PCDHA1: variants seen among roughly 807,000 people sequenced by gnomAD.
PCDHA1 encodes protocadherin alpha 1.
In PCDHA1, 42 loss-of-function variants were observed where a neutral mutation model predicts 61.3. That is an observed-to-expected ratio of 0.69 (90% CI 0.54 to 0.89). PCDHA1 has a LOEUF of 0.89. Among genes scored for constraint, PCDHA1 ranks in the 40% least tolerant of loss-of-function variants. PCDHA1 has a pLI of 0.00. For synonymous variants in PCDHA1, 610 were observed against 553.8 expected, an observed-to-expected ratio of 1.10 and a Z score of -1.43; for missense variants, 1,256 against 1,235.3, an observed-to-expected ratio of 1.02 and a Z score of -0.25.
intron 1 of PCDHA1, chr5:140,829,890 A>G: frequency 2.5e-6 from 4 of 1,613,880 alleles, no homozygotes; most frequent in Non-Finnish European, 3.4e-6. Context: ...GTTGACGCCG[A>G]CTCAGGCTAC....
At chr5:140,830,246 A>C (rs782731827) in intron 1 of PCDHA1, 3 of 1,613,762 alleles carry the variant, frequency 1.9e-6, no homozygotes, top group Admixed American at 3.3e-5. Context: ...ACTGCTGTAC[A>C]CAGCGCTGCG....
At chr5:140,961,975 C>T (rs1241757389) in intron 1 of PCDHA1, among the ~76,000 whole-genome samples, 1 of 152,034 alleles carries the variant, frequency 6.6e-6, no homozygotes, top group Non-Finnish European at 1.5e-5. Flanking sequence ...CCTCCGCCTC[C>T]TGGGTTCACG....
chr5:140,858,487 C>G (rs896590695), intron 1 of PCDHA1: 5 of 1,499,788 alleles, frequency 3.3e-6, no homozygotes, highest in Non-Finnish European at 4.5e-6. Flanking sequence ...ATAATATTTT[C>G]TCTTACCGCA....
chr5:140,808,970 C>G, intron 1 of PCDHA1: 1 of 1,613,572 alleles, frequency 6.2e-7, no homozygotes, highest in Non-Finnish European at 8.5e-7. Flanking sequence ...GGCAAAGGTG[C>G]GCGCGGTGGA....
At chr5:140,800,895 A>T (rs1173527528) in intron 1 of PCDHA1, 5 of 376,294 alleles carry the variant, frequency 1.3e-5, no homozygotes, top group Non-Finnish European at 2.2e-5. Flanking sequence ...GACTTTGAGG[A>T]GTGACCGAAG....
intron 1 of PCDHA1, among the ~76,000 whole-genome samples, chr5:140,791,117 GT>G (rs1761624153): frequency 6.6e-6 from 1 of 152,190 alleles, no homozygotes; most frequent in Non-Finnish European, 1.5e-5. Flanking sequence ...GAGACTTGTG[GT>G]CAGTGAAGGA....
At chr5:140,850,521 C>T (rs2041655366) in intron 1 of PCDHA1, 2 of 1,598,110 alleles carry the variant, frequency 1.3e-6, no homozygotes, top group Admixed American at 3.4e-5. Context: ...CGGCCAGGCG[C>T]CAAAGTCATC....
intron 1 of PCDHA1, among the ~76,000 whole-genome samples, chr5:140,792,894 C>T (rs1448360461): frequency 6.6e-6 from 1 of 152,208 alleles, no homozygotes; most frequent in Non-Finnish European, 1.5e-5. Context: ...AATTTGGGTA[C>T]ATGCCATGAC....
intron 1 of PCDHA1, chr5:140,875,979 C>G: frequency 3.7e-6 from 6 of 1,613,984 alleles, no homozygotes; most frequent in Non-Finnish European, 5.1e-6. Flanking sequence ...CTCTTTTGAC[C>G]TATGCGTTAA....
At chr5:140,932,727 A>G (rs927294598) in intron 1 of PCDHA1, among the ~76,000 whole-genome samples, 2 of 151,954 alleles carry the variant, frequency 1.3e-5, no homozygotes, top group Non-Finnish European at 2.9e-5. Flanking sequence ...ATTGTATAAT[A>G]TAGACCCTCA....
chr5:140,795,530 G>A lies in PCDHA1; in HGVS notation c.2394+6846G>A, dbSNP rs141531617. 383 of 1,614,050 alleles carry A rather than the reference G, an allele frequency of 2.4e-4. 1 individual carries two copies. Among genetic ancestry groups the A allele is most frequent in the Non-Finnish European group, 3.0e-4 (356 of 1,180,030 alleles). On this transcript the variant is annotated intron_variant, in intron 1 of 3. Coordinates refer to ENST00000504120, the MANE Select transcript of PCDHA1 (RefSeq NM_018900.4). ...GATATACAGGCAAATGATGAACTAAGCGAATCTTTGTCTCTCGTGCTGGGG... is the reference window on the plus strand; with the variant it reads ...GATATACAGGCAAATGATGAACTAAACGAATCTTTGTCTCTCGTGCTGGGG...
At chr5:140,843,268 C>A in intron 1 of PCDHA1, 1 of 1,596,100 alleles carries the variant, frequency 6.3e-7, no homozygotes, top group Non-Finnish European at 8.6e-7. Flanking sequence ...GTCTGCTGGT[C>A]CTGGTGAAGG....
intron 1 of PCDHA1, chr5:140,856,597 C>T: frequency 6.3e-7 from 1 of 1,597,412 alleles, no homozygotes; most frequent in East Asian, 2.2e-5. Context: ...ATATTATAAA[C>T]AAAAAAGACA....
At chr5:140,903,695 A>G (rs1325722558) in intron 1 of PCDHA1, among the ~76,000 whole-genome samples, 9 of 152,238 alleles carry the variant, frequency 5.9e-5, no homozygotes, top group African/African-American at 1.7e-4. Flanking sequence ...AATAGTTTAA[A>G]ATAGTAATAA....
chr5:141,010,058 C>T lies in PCDHA1; in HGVS notation c.*121C>T. On this transcript the variant is annotated 3_prime_UTR_variant, in exon 4 of 4. Transcript: ENST00000504120. Reference sequence around the variant, plus strand: ...GAGCCCTCTTAGAGACCTCAGAAATCTGCAGAAAGTTCCCTGTGTCTGTCT... The same window carrying T: ...GAGCCCTCTTAGAGACCTCAGAAATTTGCAGAAAGTTCCCTGTGTCTGTCT... 6.2e-7 allele frequency: 1 copy of T among 1,601,100 alleles called. No homozygotes were observed. Among genetic ancestry groups the T allele is most frequent in the Non-Finnish European group, 8.5e-7 (1 of 1,173,728 alleles).
At chr5:140,868,885 TA>T in intron 1 of PCDHA1, 1 of 733,950 alleles carries the variant, frequency 1.4e-6, no homozygotes, top group East Asian at 2.8e-5. Flanking sequence ...CTCACAGTTT[TA>T]GGCGCAAGGT....
At chr5:140,978,862 T>C (rs750080921) in intron 1 of PCDHA1, 87 bp from the exon 2 acceptor site, 138 of 1,599,976 alleles carry the variant, frequency 8.6e-5, no homozygotes, top group Non-Finnish European at 1.1e-4. Flanking sequence ...CTGGAAATAT[T>C]TAAGGGAGTA....
Position 140,842,518 on chromosome 5 carries a change from C to G in PCDHA1, c.2394+53834C>G, listed in dbSNP as rs2150337921. 3.1e-6 allele frequency: 5 copies of G among 1,613,574 alleles called. 1 individual carries two copies. The South Asian group carries it at 5.5e-5, about 18-fold the overall frequency. ...CCCATGTCCCCTTCAAGCTGGTGTC[C>G]ACCTTCAAGAATTACTACTCGTTGG... On this transcript the variant is annotated intron_variant, in intron 1 of 3. Coordinates refer to ENST00000504120, the MANE Select transcript of PCDHA1 (RefSeq NM_018900.4).
At chr5:140,871,308 G>GC (rs2052955236) in intron 1 of PCDHA1, 1 of 1,613,880 alleles carries the variant, frequency 6.2e-7, no homozygotes. Flanking sequence ...CGCCGGGGAA[G>GC]CCCACGCTGG....
Sources: allele counts gnomAD v4.1 joint callset (sites outside exome capture counted in the v4.1 genomes callset), GRCh38; gene constraint gnomAD v4.1.1; transcripts MANE v1.5; gene names NCBI Gene and HGNC (gene_info 2026-07-23, HGNC 2026-07-21).